The following CFAP68 variants were observed in gnomAD, a reference collection of about 807,000 sequenced individuals.
CFAP68 encodes the protein cilia- and flagella-associated protein 68.
At chr11:111,881,650 A>AT in the CFAP68 span, 2 of 1,491,014 alleles carry the variant, frequency 1.3e-6, no homozygotes, top group Non-Finnish European at 1.8e-6. Context: ...CCAGACTCAC[A>AT]TTTTGGGGAA....
the CFAP68 span, chr11:111,883,886 G>A: frequency 3.2e-6 from 5 of 1,550,820 alleles, no homozygotes; most frequent in Middle Eastern, 1.7e-4. Flanking sequence ...CTTAAATTGG[G>A]CATCACTCAG....
the CFAP68 span, chr11:111,885,343 A>G: frequency 6.6e-6 from 1 of 152,078 alleles, no homozygotes; most frequent in Non-Finnish European, 1.5e-5. Flanking sequence ...AGATTTCAGT[A>G]TATTTCTCAA....
At chr11:111,882,549 AAAGAT>A in the CFAP68 span, 1 of 1,613,754 alleles carries the variant, frequency 6.2e-7, no homozygotes, top group Non-Finnish European at 8.5e-7. Context: ...TGGAACCAGG[AAAGAT>A]ATGACCTGAG....
the CFAP68 span, chr11:111,885,620 CTT>C: frequency 3.3e-5 from 5 of 152,100 alleles, no homozygotes; most frequent in Non-Finnish European, 4.4e-5. Context: ...GTTTGGTAAA[CTT>C]AGGAAATCAA....
the CFAP68 span, among the ~76,000 whole-genome samples, chr11:111,883,605 G>GA: frequency 1.3e-5 from 2 of 149,506 alleles, no homozygotes; most frequent in Admixed American, 6.7e-5. Flanking sequence ...AAAAAAAAAA[G>GA]AAAAAAAAGG....
chr11:111,882,089 A>C, the CFAP68 span, among the ~76,000 whole-genome samples: 1 of 152,308 alleles, frequency 6.6e-6, no homozygotes, highest in Middle Eastern at 3.4e-3. Context: ...CTAATTCTCC[A>C]TATTGTATTG....
chr11:111,882,734 AG>A, the CFAP68 span: 2 of 797,602 alleles, frequency 2.5e-6, no homozygotes, highest in Non-Finnish European at 3.9e-6. Flanking sequence ...GTTGGGGCAG[AG>A]GAACAGTCCG....
chr11:111,880,603 A>C, the CFAP68 span, among the ~76,000 whole-genome samples: 1 of 152,232 alleles, frequency 6.6e-6, no homozygotes, highest in Non-Finnish European at 1.5e-5. Flanking sequence ...ATGGTCTAAA[A>C]AGTGGAGGTA....
chr11:111,884,439 A>C, the CFAP68 span: 1 of 136,488 alleles, frequency 7.3e-6, no homozygotes, highest in African/African-American at 2.7e-5. Context: ...ATGCCACTGC[A>C]CTTTAGCCTG....
the CFAP68 span, chr11:111,881,517 A>G: frequency 4.6e-5 from 70 of 1,536,112 alleles, no homozygotes; most frequent in East Asian, 1.6e-3. Flanking sequence ...GACATCTTTA[A>G]AGAACATGGA....
chr11:111,882,237 C>A, the CFAP68 span: 1 of 725,486 alleles, frequency 1.4e-6, no homozygotes, highest in East Asian at 2.7e-5. Flanking sequence ...GAAACAGAAC[C>A]ATAACATAGC....
At chr11:111,881,593 C>T in the CFAP68 span, 3 of 1,535,374 alleles carry the variant, frequency 2.0e-6, no homozygotes, top group South Asian at 3.6e-5. Context: ...TACTCAGCAT[C>T]AAGTTACTCT....
At chr11:111,883,306 G>T in the CFAP68 span, 1 of 1,029,582 alleles carries the variant, frequency 9.7e-7, no homozygotes, top group African/African-American at 1.6e-5. Flanking sequence ...GTGAATAAGT[G>T]AGGCTGGGCG....
the CFAP68 span, chr11:111,883,299 A>C: frequency 9.1e-7 from 1 of 1,100,520 alleles, no homozygotes; most frequent in South Asian, 1.4e-5. Context: ...TGAATAGGTG[A>C]ATAAGTGAGG....
At chr11:111,882,965 A>T in the CFAP68 span, among the ~76,000 whole-genome samples, 1 of 152,188 alleles carries the variant, frequency 6.6e-6, no homozygotes, top group African/African-American at 2.4e-5. Flanking sequence ...AATCGCTCCT[A>T]AACAAACAAA....
the CFAP68 span, chr11:111,881,441 C>T: frequency 6.5e-7 from 1 of 1,534,890 alleles, no homozygotes. Context: ...CAAATCATGG[C>T]CACTTGCCCA....
chr11:111,879,917 G>A, the CFAP68 span, among the ~76,000 whole-genome samples: 1 of 152,180 alleles, frequency 6.6e-6, no homozygotes, highest in Non-Finnish European at 1.5e-5. Flanking sequence ...GTCAAGAGGC[G>A]TGAAGAGGCA....
the CFAP68 span, chr11:111,883,801 G>A: frequency 8.1e-6 from 13 of 1,613,058 alleles, no homozygotes; most frequent in African/African-American, 2.7e-5. Context: ...TGGTTCCCAG[G>A]ACATCAACCT....
the CFAP68 span, chr11:111,882,561 T>C: frequency 2.5e-6 from 4 of 1,610,962 alleles, no homozygotes; most frequent in Non-Finnish European, 3.4e-6. Context: ...AGATATGACC[T>C]GAGGAATATC....
Sources: gnomAD v4.1 joint callset for allele counts (sites outside exome capture counted in the v4.1 genomes callset) on GRCh38, gnomAD v4.1.1 for gene constraint, MANE v1.5 for transcripts, NCBI Gene and HGNC (gene_info 2026-07-23, HGNC 2026-07-21) for gene names.